Variants in MMACHC observed in about 807,000 individuals in gnomAD.
MMACHC encodes the protein cyanocobalamin reductase / alkylcobalamin dealkylase.
Under a neutral mutation model 17.6 loss-of-function variants are expected in MMACHC, and 14 were observed. That is an observed-to-expected ratio of 0.80 (90% CI 0.53 to 1.25). The LOEUF is 1.25. MMACHC is among the 50% of genes most tolerant of loss of function. The probability of loss-of-function intolerance (pLI) is 0.00; values close to 1 mark genes in which losing one functional copy is unlikely to be tolerated. For missense variants in MMACHC, 392 were observed against 364.5 expected (o/e 1.08, Z -0.62); for synonymous variants, 151 against 142.1 (o/e 1.06, Z -0.45).
rs1557609475 is a variant in MMACHC at position 45,509,415 on chromosome 1, A to ATTTTTTTTTTTT, written c.*200_*201insTTTTTTTTTTTT. ...CAGAATTCCCATCTGCCTTCAAATGAGTTTTTTTTTTTTTTTTAGACAGAG... is the reference window on the plus strand; with the variant it reads ...CAGAATTCCCATCTGCCTTCAAATGATTTTTTTTTTTTGTTTTTTTTTTTTTTTTAGACAGAG... On this transcript the variant is annotated 3_prime_UTR_variant, in exon 4 of 4. Transcript: ENST00000401061. 1.6e-5 allele frequency: 4 copies of ATTTTTTTTTTTT among 245,568 alleles called. No individual in the cohort carries two copies. In the African/African-American group the frequency reaches 3.0e-4, roughly 18 times the overall value. The allele number at this position is 245,568 out of a possible 1,614,324, so 15.2% of individuals were successfully genotyped here.
chr1:45,500,479 G>C, intron 1 of MMACHC, 66 bp downstream of exon 1: 1 of 1,491,452 alleles, frequency 6.7e-7, no homozygotes, highest in Non-Finnish European at 9.4e-7. Context: ...ACTGGCGTGA[G>C]GCCTCGGGAG....
chr1:45,502,694 G>T (rs189929625), intron 1 of MMACHC, among the ~76,000 whole-genome samples: 252 of 151,548 alleles, frequency 1.7e-3, no homozygotes, highest in Non-Finnish European at 3.0e-3. Context: ...ATCCAAGGAA[G>T]CCTTTTCTTT....
intron 1 of MMACHC, 145 bp downstream of exon 1, chr1:45,500,558 C>A (rs1409099713): frequency 2.4e-6 from 2 of 831,200 alleles, no homozygotes; most frequent in Admixed American, 2.0e-5. Flanking sequence ...TCAGTGGGGG[C>A]TTGGGTTAAA....
chr1:45,500,319 G>A lies in MMACHC; in HGVS notation c.-14G>A, dbSNP rs1643513718. 4 of 1,613,854 alleles carry A rather than the reference G, an allele frequency of 2.5e-6. No individual in the cohort carries two copies. In the South Asian group the frequency reaches 3.3e-5, roughly 13 times the overall value. ...GACTTCATTCCCCAGCAAGCTCAGC[G>A]TGTAACGTGCGCTATGGAGCCGAAA... On this transcript the variant is annotated 5_prime_UTR_variant, in exon 1 of 4. In the 5' UTR this introduces an upstream ATG that the reference lacks. Transcript: ENST00000401061.
chr1:45,510,653 C>T lies in MMACHC; in HGVS notation c.*1438C>T, dbSNP rs1643724266. 6.6e-6 allele frequency: 1 copy of T among 152,240 alleles called. No homozygotes were observed. The highest frequency in any genetic ancestry group is 2.4e-5 in the African/African-American group (1 of 41,442). 9.4% of individuals were successfully genotyped at this position (152,240 alleles called of 1,614,324 possible). ...CTTTCCTCTGTCAGTTCAAAAAGAA[C>T]AGAAACCTCCAGCTCTTTTACATAG... On this transcript the variant is annotated 3_prime_UTR_variant, in exon 4 of 4. Coordinates refer to ENST00000401061, the MANE Select transcript of MMACHC (RefSeq NM_015506.3).
Position 45,509,482 on chromosome 1 carries a change from C to CT in MMACHC, c.*268dup. 2.6e-6 allele frequency: 1 copy of CT among 384,470 alleles called. No homozygotes were observed. The highest frequency in any genetic ancestry group is 4.6e-6 in the Non-Finnish European group (1 of 218,244). The allele number at this position is 384,470 out of a possible 1,614,324, so 23.8% of individuals were successfully genotyped here. On this transcript the variant is annotated 3_prime_UTR_variant, in exon 4 of 4. Transcript: ENST00000401061. ...AGGCTGGAGTGCAGTGGCACAGTCT[C>CT]TACTCACTGCAACCTCTGCCTCCTG...
In MMACHC at chr1:45,513,184, C is replaced by A. The variant is rs1432656017; in HGVS notation, c.*3969C>A. ...TAAAAATATGAACTATATGGATTAA[C>A]CTCTTCTCTCAATAAAGTTATTTAA... On this transcript the variant is annotated 3_prime_UTR_variant, in exon 4 of 4. Transcript: ENST00000401061. The A allele has an allele frequency of 6.6e-6, 1 of 152,102 alleles. No homozygotes were observed. The highest frequency in any genetic ancestry group is 1.5e-5 in the Non-Finnish European group (1 of 68,024). 9.4% of individuals were successfully genotyped at this position (152,102 alleles called of 1,614,324 possible). A position where few individuals can be genotyped will look rare whatever the true frequency, so the allele number is the denominator to read the frequency against.
intron 1 of MMACHC, among the ~76,000 whole-genome samples, chr1:45,500,865 CAAA>C (rs11374269): frequency 4.6e-5 from 4 of 86,342 alleles, no homozygotes; most frequent in Non-Finnish European, 4.5e-5. Flanking sequence ...AACTCCGTGT[CAAA>C]AAAAAAAAAA....
intron 1 of MMACHC, among the ~76,000 whole-genome samples, chr1:45,506,372 A>G (rs1453669194): frequency 1.3e-5 from 2 of 152,202 alleles, no homozygotes; most frequent in East Asian, 3.8e-4. Context: ...CTTGGAGGGC[A>G]AGTGCGTTGA....
At chr1:45,508,697 C>A in intron 3 of MMACHC, 99 bp from the exon 4 acceptor site, 1 of 1,345,072 alleles carries the variant, frequency 7.4e-7, no homozygotes, top group Non-Finnish European at 1.0e-6. Flanking sequence ...AGTCAGTGTA[C>A]ACTGAGTGGG....
At position 45,509,097 on chromosome 1, in the gene MMACHC, G is replaced by A. The variant is rs1643686829; in HGVS notation, c.731G>A (p.Ser244Asn). The stretch of plus-strand genomic sequence containing the variant: ...TTGGCTCAGCCCTCAGAGAAGCCTA[G>A]TTCTCCCTCCCCGGACCTTCCCTTT... ...LGLAQPSEKP[S>N]SPSPDLPFTT... The change falls in exon 4 of 4, where the codon AGT becomes AAT. Residue 244 changes from serine to asparagine, a missense_variant. By Grantham distance (46) the Ser-to-Asn change is conservative. Coordinates refer to ENST00000401061, the MANE Select transcript of MMACHC (RefSeq NM_015506.3). 6.2e-7 allele frequency: 1 copy of A among 1,612,566 alleles called. No individual in the cohort carries two copies.
chr1:45,507,083 T>C (rs1310590984), intron 1 of MMACHC, among the ~76,000 whole-genome samples: 2 of 152,054 alleles, frequency 1.3e-5, no homozygotes, highest in Non-Finnish European at 2.9e-5. Context: ...TGAGAATCAC[T>C]TGAATCTGGG....
chr1:45,508,127 C>A, intron 2 of MMACHC, 85 bp from the exon 3 acceptor site: 2 of 1,528,096 alleles, frequency 1.3e-6, no homozygotes, highest in Non-Finnish European at 1.8e-6. Flanking sequence ...CATGTTCACA[C>A]ACACAAAACA....
Position 45,511,560 on chromosome 1 carries a change from G to T in MMACHC, c.*2345G>T. The T allele has an allele frequency of 1.9e-6, 1 of 516,346 alleles. No individual in the cohort carries two copies. The highest frequency in any genetic ancestry group is 3.4e-6 in the Non-Finnish European group (1 of 293,508). 32.0% of individuals were successfully genotyped at this position (516,346 alleles called of 1,614,324 possible). A position where few individuals can be genotyped will look rare whatever the true frequency, so the allele number is the denominator to read the frequency against. On this transcript the variant is annotated 3_prime_UTR_variant, in exon 4 of 4. Transcript: ENST00000401061. Reference sequence around the variant, plus strand: ...CAGTCTTAGATCATTCACCCTTTTAGTATGAGCTAACCATTTTACAAACAT... The same window carrying T: ...CAGTCTTAGATCATTCACCCTTTTATTATGAGCTAACCATTTTACAAACAT...
Position 45,511,297 on chromosome 1 carries a change from C to T in MMACHC, c.*2082C>T. The T allele has an allele frequency of 6.6e-7, 1 of 1,521,588 alleles. No individual in the cohort carries two copies. The highest frequency in any genetic ancestry group is 1.4e-5 in the African/African-American group (1 of 71,404). 94.3% of individuals were successfully genotyped at this position (1,521,588 alleles called of 1,614,324 possible). A position where few individuals can be genotyped will look rare whatever the true frequency, so the allele number is the denominator to read the frequency against. On this transcript the variant is annotated 3_prime_UTR_variant, in exon 4 of 4. Coordinates refer to ENST00000401061, the MANE Select transcript of MMACHC (RefSeq NM_015506.3). ...AAGAGGTTTTGTTCTCATGGCTGCC[C>T]ACCGCAGCCTGGCACTAAAACAGCC...
intron 2 of MMACHC, 108 bp from the exon 3 acceptor site, chr1:45,508,104 C>T: frequency 7.3e-7 from 1 of 1,374,062 alleles, no homozygotes; most frequent in Non-Finnish European, 1.0e-6. Flanking sequence ...GTTTTCCCTT[C>T]TGAGGACAGG....
At chr1:45,500,471 T>G in intron 1 of MMACHC, 58 bp downstream of exon 1, 2 of 1,535,480 alleles carry the variant, frequency 1.3e-6, no homozygotes, top group Non-Finnish European at 9.0e-7. Context: ...TCGTTGCAAC[T>G]GGCGTGAGGC....
chr1:45,502,179 CA>C (rs1280961833), intron 1 of MMACHC, among the ~76,000 whole-genome samples: 3 of 152,216 alleles, frequency 2.0e-5, no homozygotes. Context: ...ATTCCCTCTA[CA>C]GACCCTTCAC....
At chr1:45,502,664 T>G (rs1643563537) in intron 1 of MMACHC, among the ~76,000 whole-genome samples, 1 of 152,146 alleles carries the variant, frequency 6.6e-6, no homozygotes, top group Admixed American at 6.5e-5. Flanking sequence ...CAGTTGACTT[T>G]CTAGCCTTCA....
Sources: gnomAD v4.1 joint callset for allele counts (sites outside exome capture counted in the v4.1 genomes callset) on GRCh38, gnomAD v4.1.1 for gene constraint, MANE v1.5 for transcripts, NCBI Gene and HGNC (gene_info 2026-07-23, HGNC 2026-07-21) for gene names.